Variants in NEXN observed in about 807,000 individuals in gnomAD.
NEXN encodes the protein nexilin.
Under a neutral mutation model 92.6 loss-of-function variants are expected in NEXN, and 65 were observed. The ratio of observed to expected loss-of-function variants is 0.70; its 90% confidence interval spans 0.57 to 0.86. The LOEUF is 0.86. Among genes scored for constraint, NEXN ranks in the 40% least tolerant of loss-of-function variants. NEXN has a pLI of 0.00. For synonymous variants in NEXN, 254 were observed against 242.5 expected, an observed-to-expected ratio of 1.05 and a Z score of -0.44; for missense variants, 778 against 771.1, an observed-to-expected ratio of 1.01 and a Z score of -0.11.
At chr1:77,918,093 A>C (rs1649119046) in intron 4 of NEXN, 32 bp from the exon 5 acceptor site, 2 of 1,612,980 alleles carry the variant, frequency 1.2e-6, no homozygotes, top group African/African-American at 2.7e-5. Context: ...AAACATAACC[A>C]AGTATCAAAC....
At chr1:77,925,372 C>G in intron 6 of NEXN, 143 bp downstream of exon 6, 1 of 690,072 alleles carries the variant, frequency 1.4e-6, no homozygotes, top group Non-Finnish European at 2.5e-6. Context: ...TTTTGCAAAG[C>G]AAGAGCATAC....
chr1:77,936,378 G>A (rs1272246868), intron 11 of NEXN, among the ~76,000 whole-genome samples: 1 of 152,160 alleles, frequency 6.6e-6, no homozygotes, highest in African/African-American at 2.4e-5. Flanking sequence ...ACATGATCCA[G>A]GAGTCCTAGG....
At chr1:77,904,697 G>T (rs1253509806) in intron 1 of NEXN, among the ~76,000 whole-genome samples, 1 of 152,194 alleles carries the variant, frequency 6.6e-6, no homozygotes, top group African/African-American at 2.4e-5. Context: ...TATGGACTGA[G>T]AATGGAAATC....
At chr1:77,915,950 T>C in intron 1 of NEXN, 105 bp from the exon 2 acceptor site, 1 of 280,716 alleles carries the variant, frequency 3.6e-6, no homozygotes, top group Non-Finnish European at 6.6e-6. Flanking sequence ...GCTTGAATCA[T>C]GTCAGTATTT....
intron 1 of NEXN, among the ~76,000 whole-genome samples, chr1:77,909,564 G>GT (rs1648401661): frequency 6.6e-6 from 1 of 152,060 alleles, no homozygotes; most frequent in South Asian, 2.1e-4. Flanking sequence ...ATAAACCTTA[G>GT]TTCATGACAC....
intron 1 of NEXN, among the ~76,000 whole-genome samples, chr1:77,901,661 G>A (rs994367286): frequency 6.6e-6 from 1 of 152,134 alleles, no homozygotes; most frequent in Non-Finnish European, 1.5e-5. Flanking sequence ...ACCACCTTAG[G>A]ATCCTCAATA....
intron 1 of NEXN, among the ~76,000 whole-genome samples, chr1:77,913,102 A>G (rs1648709861): frequency 6.6e-6 from 1 of 152,240 alleles, no homozygotes; most frequent in Admixed American, 6.5e-5. Flanking sequence ...TAATAAGAAT[A>G]CAAACAACCC....
intron 9 of NEXN, chr1:77,932,940 G>A (rs775799806): frequency 1.1e-4 from 23 of 205,188 alleles, no homozygotes; most frequent in Non-Finnish European, 1.7e-4. Flanking sequence ...CAAGGCAGAC[G>A]GATCACCTGT....
intron 1 of NEXN, among the ~76,000 whole-genome samples, chr1:77,891,487 C>G (rs1039270853): frequency 6.6e-6 from 1 of 151,760 alleles, no homozygotes; most frequent in African/African-American, 2.4e-5. Context: ...TTCCTTTTTA[C>G]TCTTAGATTA....
At chr1:77,893,053 G>A (rs1245722594) in intron 1 of NEXN, among the ~76,000 whole-genome samples, 1 of 151,890 alleles carries the variant, frequency 6.6e-6, no homozygotes, top group Non-Finnish European at 1.5e-5. Context: ...TTTTTGTAGA[G>A]ATAGAGCCTC....
Position 77,929,365 on chromosome 1 carries a change from A to G in NEXN, c.914A>G (p.Tyr305Cys), listed in dbSNP as rs541547470. 18 of 1,613,922 alleles carry G rather than the reference A, an allele frequency of 1.1e-5. No homozygotes were observed. In the Admixed American group the frequency reaches 1.3e-4, roughly 12 times the overall value. The change falls in exon 9 of 13, where the codon TAC becomes TGC. Residue 305 changes from tyrosine (Y) to cysteine (C), a missense_variant. Coordinates refer to ENST00000334785, the MANE Select transcript of NEXN (RefSeq NM_144573.4). ...GACACAGCAAAAATTTTTAAAGGGT[A>G]CCGCCCTGGTAAACTCAAACTCAGT... ...NQDTAKIFKG[Y>C]RPGKLKLSFE...
intron 1 of NEXN, 130 bp downstream of exon 1, chr1:77,888,889 G>C (rs893545864): frequency 4.6e-5 from 7 of 152,666 alleles, no homozygotes; most frequent in African/African-American, 7.2e-5. Context: ...GCCGTGCTCC[G>C]CTGCAGCTCC....
In NEXN at chr1:77,942,752, G is replaced by C. The variant is rs1211415757; in HGVS notation, c.1951G>C (p.Glu651Gln). The C allele has an allele frequency of 1.9e-6, 3 of 1,613,686 alleles. No homozygotes were observed. The highest frequency in any genetic ancestry group is 1.7e-5 in the Admixed American group (1 of 59,988). ...LPETFPEDGG[E>Q]YMCKAVNNKG... is the part of the protein sequence containing the mutation. ...AGAAACTTTCCCAGAAGATGGAGGA[G>C]AGTATATGTGTAAAGCAGTCAACAA... Residue 651 changes from glutamate (E) to glutamine (Q), a missense_variant, in exon 13 of 13, where the codon GAG becomes CAG. Physicochemically the swap from Glu to Gln is conservative, Grantham distance 29. Transcript: ENST00000334785.
chr1:77,942,371 A>T (rs1651426447), intron 12 of NEXN, 90 bp from the exon 13 acceptor site: 3 of 1,031,960 alleles, frequency 2.9e-6, no homozygotes, highest in East Asian at 2.8e-5. Context: ...TTCTTTACTT[A>T]AAAAAAAAAA....
rs1447486619 is a variant in NEXN, at chr1:77,942,153, A to G, written c.1604A>G (p.Gln535Arg). The G allele has an allele frequency of 3.1e-6, 5 of 1,613,826 alleles. No homozygotes were observed. The highest frequency in any genetic ancestry group is 1.3e-5 in the African/African-American group (1 of 75,020). ...GAAGAACAAAGAAGAATTGAAGAAC[A>G]AAAGTTACTACGCATGCAGTTTGAA... ...EEEEQRRIEE[Q>R]KLLRMQFEQR... The change falls in exon 12 of 13, where the codon CAA becomes CGA. Residue 535 changes from glutamine (Q) to arginine (R), a missense_variant. Coordinates refer to ENST00000334785, the MANE Select transcript of NEXN (RefSeq NM_144573.4).
intron 11 of NEXN, among the ~76,000 whole-genome samples, chr1:77,936,511 G>A (rs1384659970): frequency 1.3e-5 from 2 of 152,178 alleles, no homozygotes; most frequent in East Asian, 3.8e-4. Flanking sequence ...TTAAACTCCA[G>A]ATTATTCATA....
At position 77,917,554 on chromosome 1, in the gene NEXN, C is replaced by A. The variant is rs1169196192; in HGVS notation, c.28-12C>A. 6 of 1,593,536 alleles carry A rather than the reference C, an allele frequency of 3.8e-6. No individual in the cohort carries two copies. Among genetic ancestry groups the A allele is most frequent in the Non-Finnish European group, 5.2e-6 (6 of 1,164,674 alleles). ...TCGTTAACTTTCTTTTTTTTATTTT[C>A]TTCTAATGAAGATTCTGCTTTCTTC... On this transcript the variant is annotated splice_polypyrimidine_tract_variant and intron_variant, in intron 2 of 12. Coordinates refer to ENST00000334785, the MANE Select transcript of NEXN (RefSeq NM_144573.4).
At chr1:77,936,880 CTG>C (rs1422130851) in intron 11 of NEXN, among the ~76,000 whole-genome samples, 1 of 152,170 alleles carries the variant, frequency 6.6e-6, no homozygotes. Context: ...AATGAAGAAA[CTG>C]TGTGCCAATT....
At chr1:77,938,076 C>T (rs891240040) in intron 11 of NEXN, among the ~76,000 whole-genome samples, 7 of 151,996 alleles carry the variant, frequency 4.6e-5, no homozygotes, top group African/African-American at 1.7e-4. Flanking sequence ...TATACAGTAA[C>T]AATACGGGAA....
Sources: allele counts gnomAD v4.1 joint callset (sites outside exome capture counted in the v4.1 genomes callset), GRCh38; gene constraint gnomAD v4.1.1; transcripts MANE v1.5; gene names NCBI Gene and HGNC (gene_info 2026-07-23, HGNC 2026-07-21).